The following ANKRD11 variants were observed in gnomAD, a reference collection of about 807,000 sequenced individuals.
ANKRD11 encodes ankyrin repeat domain 11.
A neutral mutation model predicts 195.7 loss-of-function variants in ANKRD11; 17 were observed. That is an observed-to-expected ratio of 0.09 (90% CI 0.06 to 0.13). The LOEUF is 0.13. Among genes scored for constraint, ANKRD11 ranks in the 10% least tolerant of loss-of-function variants. The pLI is 1.00. For missense variants in ANKRD11, 3,735 were observed against 3,566.1 expected (o/e 1.05, Z -1.21); for synonymous variants, 1,953 against 1,528.1 (o/e 1.28, Z -6.49).
At chr16:89,451,401 T>C (rs1597450519) in intron 1 of ANKRD11, among the ~76,000 whole-genome samples, 1 of 147,042 alleles carries the variant, frequency 6.8e-6, no homozygotes, top group South Asian at 2.2e-4. Flanking sequence ...GGTGATGATT[T>C]CACAAATTAC....
chr16:89,301,110 C>G (rs776200789), intron 4 of ANKRD11: 47 of 540,110 alleles, frequency 8.7e-5, no homozygotes, highest in Non-Finnish European at 1.5e-4. Context: ...ATTTATTTAT[C>G]TATTTTATTT....
rs760908649 is a variant in ANKRD11 at position 89,490,554 on chromosome 16, C to A, written c.-454G>T. On this transcript the variant is annotated 5_prime_UTR_variant, in exon 1 of 13. Coordinates refer to ENST00000301030, the MANE Select transcript of ANKRD11 (RefSeq NM_013275.6). Reference sequence around the variant, plus strand: ...CGGTCCATCGCGCACCGTCTCAGGGCGGCCTCTGGCTCCAGGACCCAGCGG... The same window carrying A: ...CGGTCCATCGCGCACCGTCTCAGGGAGGCCTCTGGCTCCAGGACCCAGCGG... 5.4e-5 allele frequency: 23 copies of A among 424,408 alleles called. No homozygotes were observed. Among genetic ancestry groups the A allele is most frequent in the Middle Eastern group, 1.2e-3 (2 of 1,612 alleles). 26.3% of individuals were successfully genotyped at this position (424,408 alleles called of 1,614,324 possible). A position where few individuals can be genotyped will look rare whatever the true frequency, so the allele number is the denominator to read the frequency against.
chr16:89,318,313 CGA>C (rs1299059780), intron 2 of ANKRD11, among the ~76,000 whole-genome samples: 3 of 152,338 alleles, frequency 2.0e-5, no homozygotes, highest in African/African-American at 7.2e-5. Flanking sequence ...GGTGCACTCA[CGA>C]GAGGAATGGG....
At chr16:89,415,231 G>T (rs2042246911) in intron 2 of ANKRD11, among the ~76,000 whole-genome samples, 1 of 149,692 alleles carries the variant, frequency 6.7e-6, no homozygotes, top group Non-Finnish European at 1.5e-5. Context: ...TGGGATTACA[G>T]GTGGGAGCCA....
chr16:89,460,983 C>CTTAT (rs2056637249), intron 1 of ANKRD11, among the ~76,000 whole-genome samples: 3 of 92,984 alleles, frequency 3.2e-5, no homozygotes, highest in Non-Finnish European at 6.3e-5. Context: ...CCCCCCCCAA[C>CTTAT]AGGAGACGCA....
intron 2 of ANKRD11, among the ~76,000 whole-genome samples, chr16:89,380,908 T>A (rs2152104387): frequency 6.6e-6 from 1 of 152,308 alleles, no homozygotes; most frequent in Non-Finnish European, 1.5e-5. Context: ...AGAGGACAGC[T>A]GAGGCAGGCA....
chr16:89,397,214 G>C (rs910367502), intron 2 of ANKRD11, among the ~76,000 whole-genome samples: 3 of 152,168 alleles, frequency 2.0e-5, no homozygotes, highest in Non-Finnish European at 2.9e-5. Flanking sequence ...CTGAGGATGA[G>C]GACCTGGGTG....
chr16:89,270,856 G>A lies in ANKRD11; in HGVS notation c.7767C>T (p.Ser2589=). The A allele has an allele frequency of 1.9e-6, 3 of 1,614,090 alleles. No individual in the cohort carries two copies. Among genetic ancestry groups the A allele is most frequent in the Non-Finnish European group, 2.5e-6 (3 of 1,180,018 alleles). Residue 2589 remains serine, a synonymous_variant, in exon 12 of 13, where the codon TCC becomes TCT. Transcript: ENST00000301030. ...ACTTGTCATCCACGTCCTGGAGCCA[G>A]GAGATGAACTGGCGGGCGTTGAAAC... ...RDRFNARQFI[S]WLQDVDDKYD...
chr16:89,433,756 G>A (rs2043098455), intron 1 of ANKRD11, among the ~76,000 whole-genome samples: 1 of 151,776 alleles, frequency 6.6e-6, no homozygotes, highest in African/African-American at 2.4e-5. Flanking sequence ...CAGCAGGGCT[G>A]GGCACGCCAC....
chr16:89,390,526 T>C (rs933775087), intron 2 of ANKRD11, among the ~76,000 whole-genome samples: 1 of 152,180 alleles, frequency 6.6e-6, no homozygotes, highest in African/African-American at 2.4e-5. Flanking sequence ...TGATGAAAAC[T>C]GTAAACTCTA....
chr16:89,371,042 G>A lies in ANKRD11; in HGVS notation c.-60+47242C>T, dbSNP rs11866553. ...TGTTTGGCAATGTTATAGCTGCCCCGTCTCATGACGAAGGGGACTTGTTCA... is the reference window on the plus strand; with the variant it reads ...TGTTTGGCAATGTTATAGCTGCCCCATCTCATGACGAAGGGGACTTGTTCA... On this transcript the variant is annotated intron_variant, in intron 2 of 12. Transcript: ENST00000301030. Among the ~76,000 whole-genome samples the A allele has an allele frequency of 2.0e-3, 304 of 152,272 alleles. 2 individuals carry two copies. Among genetic ancestry groups the A allele is most frequent in the African/African-American group, 7.0e-3 (291 of 41,548 alleles).
chr16:89,405,302 T>C (rs1440390357), intron 2 of ANKRD11, among the ~76,000 whole-genome samples: 1 of 152,116 alleles, frequency 6.6e-6, no homozygotes, highest in Non-Finnish European at 1.5e-5. Flanking sequence ...TAGGGCACAT[T>C]TGCAAAACAG....
chr16:89,290,236 G>C (rs1335860372), intron 6 of ANKRD11, among the ~76,000 whole-genome samples: 1 of 22,034 alleles, frequency 4.5e-5, no homozygotes, highest in Non-Finnish European at 1.6e-4. Flanking sequence ...GGGAGGCTCA[G>C]GGCTCCAGCG....
chr16:89,349,905 CACACACAT>C (rs747901191), intron 2 of ANKRD11, among the ~76,000 whole-genome samples: 4,286 of 131,394 alleles, frequency 0.033, 103 homozygotes, highest in African/African-American at 0.047. Flanking sequence ...CACACACACA[CACACACAT>C]ATTCAAACAA....
In ANKRD11 at chr16:89,366,292, G is replaced by A. The variant is rs541964848; in HGVS notation, c.-59-49214C>T. On this transcript the variant is annotated intron_variant, in intron 2 of 12. Transcript: ENST00000301030. ...GTGAATGGTGCTGCAATGGACATTCGCCCGCATGTGTCTTTATGGTAGAAT... is the reference window on the plus strand; with the variant it reads ...GTGAATGGTGCTGCAATGGACATTCACCCGCATGTGTCTTTATGGTAGAAT... Among the ~76,000 whole-genome samples, 14 of 152,146 alleles carry A rather than the reference G, an allele frequency of 9.2e-5. No individual in the cohort carries two copies. The South Asian group carries it at 2.3e-3, about 25-fold the overall frequency.
rs1436041355 is a variant in ANKRD11, at chr16:89,280,534, G to A, written c.6008C>T (p.Ala2003Val). Residue 2003 changes from alanine to valine, a missense_variant, in exon 9 of 13, where the codon GCC becomes GTC. Transcript: ENST00000301030. ...CGAGGCGCTGAAGGGCCCTGGGGCGGCAGAGTGGAGGGGGTCCGCGGGGCA... is the reference window on the plus strand; with the variant it reads ...CGAGGCGCTGAAGGGCCCTGGGGCGACAGAGTGGAGGGGGTCCGCGGGGCA... ...RFCPADPLHSAAPGPFSASEA... is the reference protein window; with the variant it reads ...RFCPADPLHSVAPGPFSASEA... 8 of 1,612,316 alleles carry A rather than the reference G, an allele frequency of 5.0e-6. No homozygotes were observed. The Admixed American group carries it at 1.0e-4, about 20-fold the overall frequency.
intron 12 of ANKRD11, among the ~76,000 whole-genome samples, chr16:89,269,729 G>A (rs368333335): frequency 1.2e-3 from 177 of 151,964 alleles, no homozygotes; most frequent in South Asian, 3.5e-3. Context: ...TCAGTCTCCC[G>A]GAATTACAGG....
At chr16:89,483,278 C>A (rs963045959) in intron 1 of ANKRD11, among the ~76,000 whole-genome samples, 1 of 152,202 alleles carries the variant, frequency 6.6e-6, no homozygotes, top group South Asian at 2.1e-4. Flanking sequence ...ACTAAATGTC[C>A]TTTTTTACAA....
chr16:89,446,267 G>A (rs944753150), intron 1 of ANKRD11, among the ~76,000 whole-genome samples: 6 of 152,134 alleles, frequency 3.9e-5, no homozygotes, highest in African/African-American at 1.4e-4. Flanking sequence ...GAAAACAGAT[G>A]AGGTTCTCCT....
Sources: allele counts gnomAD v4.1 joint callset (sites outside exome capture counted in the v4.1 genomes callset), GRCh38; gene constraint gnomAD v4.1.1; transcripts MANE v1.5; gene names NCBI Gene and HGNC (gene_info 2026-07-23, HGNC 2026-07-21).